The following SNTB1 variants were observed in gnomAD, a reference collection of about 807,000 sequenced individuals.
SNTB1 encodes the protein beta-1-syntrophin.
A neutral mutation model predicts 48.9 loss-of-function variants in SNTB1; 36 were observed. That is an observed-to-expected ratio of 0.74 (90% CI 0.56 to 0.97). The LOEUF is 0.97. Ranked by LOEUF, SNTB1 falls within the 50% of genes least tolerant of loss-of-function variation. The probability of loss-of-function intolerance (pLI) is 0.00; values close to 1 mark genes in which losing one functional copy is unlikely to be tolerated. For missense variants in SNTB1, 786 were observed against 703.4 expected, an observed-to-expected ratio of 1.12 and a Z score of -1.33; for synonymous variants, 299 against 294.6, an observed-to-expected ratio of 1.01 and a Z score of -0.15.
intron 2 of SNTB1, among the ~76,000 whole-genome samples, chr8:120,640,222 T>C (rs1412717221): frequency 1.3e-5 from 2 of 152,164 alleles, no homozygotes; most frequent in East Asian, 3.8e-4. Flanking sequence ...TTTTGCACAT[T>C]GATTTTGTAT....
intron 2 of SNTB1, among the ~76,000 whole-genome samples, chr8:120,643,893 A>G (rs1817237662): frequency 6.6e-6 from 1 of 152,184 alleles, no homozygotes; most frequent in South Asian, 2.1e-4. Flanking sequence ...CAGACACACC[A>G]TGAGTTCTGG....
intron 3 of SNTB1, among the ~76,000 whole-genome samples, chr8:120,626,702 A>G (rs1011127545): frequency 6.6e-6 from 1 of 152,054 alleles, no homozygotes; most frequent in Non-Finnish European, 1.5e-5. Flanking sequence ...TTGCACTTTC[A>G]ATGATGTGAG....
At position 120,575,128 on chromosome 8, in the gene SNTB1, G is replaced by C. The variant is rs1426099943; in HGVS notation, c.1094C>G (p.Ala365Gly). The C allele has an allele frequency of 6.2e-7, 1 of 1,614,162 alleles. No individual in the cohort carries two copies. The highest frequency in any genetic ancestry group is 8.5e-7 in the Non-Finnish European group (1 of 1,180,012). ...GTATGTGTGAACTGGGCTGAACCAG[G>C]CTTCCTTCCTCCGTGGCATGCTGTC... ...IYDSMPRRKE[A>G]WFSPVHTYPL... The change falls in exon 4 of 7, where the codon GCC becomes GGC. Residue 365 changes from alanine to glycine, a missense_variant. Transcript: ENST00000517992.
At chr8:120,787,117 A>C (rs1194372024) in intron 1 of SNTB1, among the ~76,000 whole-genome samples, 1 of 152,146 alleles carries the variant, frequency 6.6e-6, no homozygotes, top group Non-Finnish European at 1.5e-5. Flanking sequence ...CAAGAAACTC[A>C]TACAGAGTAT....
intron 2 of SNTB1, among the ~76,000 whole-genome samples, chr8:120,673,281 T>C (rs112754751): frequency 2.7e-4 from 41 of 151,634 alleles, no homozygotes; most frequent in African/African-American, 8.8e-4. Flanking sequence ...TGTTTTCCCA[T>C]GCTTTTTTCT....
intron 4 of SNTB1, among the ~76,000 whole-genome samples, chr8:120,560,507 A>AAAT (rs1815635011): frequency 6.6e-6 from 1 of 151,728 alleles, no homozygotes; most frequent in Non-Finnish European, 1.5e-5. Flanking sequence ...AATAATAAAT[A>AAAT]AATAAATAAA....
At chr8:120,558,320 C>T (rs1586993766) in intron 4 of SNTB1, among the ~76,000 whole-genome samples, 1 of 152,142 alleles carries the variant, frequency 6.6e-6, no homozygotes, top group Non-Finnish European at 1.5e-5. Flanking sequence ...GAGAAGATAA[C>T]TTTCTTACCC....
At chr8:120,724,310 T>C (rs1818718050) in intron 1 of SNTB1, among the ~76,000 whole-genome samples, 1 of 152,238 alleles carries the variant, frequency 6.6e-6, no homozygotes, top group African/African-American at 2.4e-5. Flanking sequence ...TTTAATTAGT[T>C]CCATTACATG....
rs10156239 is a variant in SNTB1, at chr8:120,772,788, G to A, written c.571+38485C>T. Among the ~76,000 whole-genome samples, 313 of 152,226 alleles carry A rather than the reference G, an allele frequency of 2.1e-3. 1 individual carries two copies. The highest frequency in any genetic ancestry group is 7.2e-3 in the African/African-American group (299 of 41,532). ...ATGGAAGTTCCTCTAGTCTAAAACA[G>A]GGATCACAACACTCATTCAAGGCTG... On this transcript the variant is annotated intron_variant, in intron 1 of 6. Coordinates refer to ENST00000517992, the MANE Select transcript of SNTB1 (RefSeq NM_021021.4).
intron 3 of SNTB1, among the ~76,000 whole-genome samples, chr8:120,626,360 CTG>C (rs780897448): frequency 3.3e-5 from 5 of 152,126 alleles, no homozygotes; most frequent in Admixed American, 6.5e-5. Flanking sequence ...ATAAAAATGA[CTG>C]TGAAAGCTGA....
chr8:120,716,832 T>G (rs1818566788), intron 1 of SNTB1, among the ~76,000 whole-genome samples: 2 of 152,226 alleles, frequency 1.3e-5, no homozygotes, highest in South Asian at 4.1e-4. Context: ...TTAGGTGGTT[T>G]GGGATCTGCA....
chr8:120,692,365 A>C (rs1183300978), intron 2 of SNTB1, among the ~76,000 whole-genome samples: 1 of 152,144 alleles, frequency 6.6e-6, no homozygotes, highest in African/African-American at 2.4e-5. Flanking sequence ...CAGCTGTCCC[A>C]CACACATTCT....
chr8:120,588,403 A>G (rs1816183614), intron 3 of SNTB1, among the ~76,000 whole-genome samples: 1 of 152,190 alleles, frequency 6.6e-6, no homozygotes, highest in Non-Finnish European at 1.5e-5. Context: ...AACAAAAAAA[A>G]AAAAACAAGA....
In SNTB1 at chr8:120,764,604, A is replaced by C. The variant is rs569084380; in HGVS notation, c.571+46669T>G. The stretch of plus-strand genomic sequence containing the variant: ...TCAAATAAATTAATAAATACCCTTC[A>C]GTAATCCCTAGCCATTTTCAATTGC... On this transcript the variant is annotated intron_variant, in intron 1 of 6. Coordinates refer to ENST00000517992, the MANE Select transcript of SNTB1 (RefSeq NM_021021.4). Among the ~76,000 whole-genome samples the C allele has an allele frequency of 5.5e-4, 84 of 152,314 alleles. 1 individual carries two copies. The highest frequency in any genetic ancestry group is 3.4e-3 in the Middle Eastern group (1 of 294).
At position 120,611,188 on chromosome 8, in the gene SNTB1, T is replaced by G. The variant is rs532865506; in HGVS notation, c.996+21256A>C. Among the ~76,000 whole-genome samples, 41 of 152,302 alleles carry G rather than the reference T, an allele frequency of 2.7e-4. 1 individual carries two copies. Among genetic ancestry groups the G allele is most frequent in the South Asian group, 1.5e-3 (7 of 4,826 alleles). Reference sequence around the variant, plus strand: ...AACAGAGTGCATATGAAATTGATGCTGGTTGTTAGGCTTATCCACCCTTAA... The same window carrying G: ...AACAGAGTGCATATGAAATTGATGCGGGTTGTTAGGCTTATCCACCCTTAA... On this transcript the variant is annotated intron_variant, in intron 3 of 6. Transcript: ENST00000517992.
At chr8:120,622,155 C>T (rs1401627935) in intron 3 of SNTB1, among the ~76,000 whole-genome samples, 1 of 152,194 alleles carries the variant, frequency 6.6e-6, no homozygotes. Context: ...TAGGGCCTCT[C>T]TCTCTGAATC....
At chr8:120,675,005 A>C (rs1040459912) in intron 2 of SNTB1, among the ~76,000 whole-genome samples, 2 of 152,228 alleles carry the variant, frequency 1.3e-5, no homozygotes, top group Admixed American at 6.5e-5. Flanking sequence ...TTTTCGAACA[A>C]AGGTATCTTT....
intron 3 of SNTB1, among the ~76,000 whole-genome samples, chr8:120,582,980 A>C (rs1299379047): frequency 6.6e-6 from 1 of 152,158 alleles, no homozygotes; most frequent in Non-Finnish European, 1.5e-5. Context: ...TGCAGATATT[A>C]AATATAAGAC....
intron 2 of SNTB1, chr8:120,637,575 G>T (rs1427236954): frequency 5.0e-6 from 1 of 200,304 alleles, no homozygotes; most frequent in Admixed American, 6.2e-5. Flanking sequence ...AACACAAAGT[G>T]TTATGTGCAA....
Sources: allele counts gnomAD v4.1 joint callset (sites outside exome capture counted in the v4.1 genomes callset), GRCh38; gene constraint gnomAD v4.1.1; transcripts MANE v1.5; gene names NCBI Gene and HGNC (gene_info 2026-07-23, HGNC 2026-07-21).